Variants in CRY2 observed in about 807,000 individuals in gnomAD.
CRY2 encodes cryptochrome circadian regulator 2, also known as cryptochrome-2.
A neutral mutation model predicts 69.5 loss-of-function variants in CRY2; 31 were observed. That is an observed-to-expected ratio of 0.45 (90% CI 0.34 to 0.60). The LOEUF (loss-of-function observed/expected upper bound fraction) is 0.60. CRY2 is among the 20% of genes least tolerant of loss of function. CRY2 has a pLI of 0.02. For missense variants in CRY2, 606 were observed against 797.8 expected (o/e 0.76, Z 2.90); for synonymous variants, 303 against 312.2 (o/e 0.97, Z 0.31).
intron 1 of CRY2, among the ~76,000 whole-genome samples, chr11:45,855,773 C>T (rs1163319938): frequency 6.6e-6 from 1 of 152,198 alleles, no homozygotes; most frequent in Admixed American, 6.5e-5. Flanking sequence ...AGTCACACAG[C>T]TAGTAAGTGG....
intron 5 of CRY2, 64 bp from the exon 6 acceptor site, chr11:45,867,548 G>A: frequency 1.9e-6 from 3 of 1,601,124 alleles, no homozygotes; most frequent in Non-Finnish European, 2.6e-6. Flanking sequence ...ACCACCCAAT[G>A]CCTCCATTTT....
intron 2 of CRY2, among the ~76,000 whole-genome samples, chr11:45,856,812 A>G (rs868782927): frequency 4.6e-5 from 7 of 152,042 alleles, no homozygotes; most frequent in Admixed American, 1.3e-4. Context: ...AAAAAAAAAA[A>G]GGTCAGCCTT....
chr11:45,865,065 T>TA lies in CRY2; in HGVS notation c.742-2544dup, dbSNP rs781637135. On this transcript the variant is annotated intron_variant, in intron 5 of 11. Transcript: ENST00000616080. ...ATGAGCCACCACACCCGGGCAGAAA[T>TA]AAAGTTTTTTAAATGGCCAAGACTA... is the stretch of plus-strand genomic sequence containing the variant. Among the ~76,000 whole-genome samples the TA allele has an allele frequency of 1.5e-4, 23 of 151,308 alleles. No homozygotes were observed. In the East Asian group the frequency reaches 4.1e-3, roughly 27 times the overall value.
At chr11:45,872,878 G>T (rs992756560) in intron 11 of CRY2, among the ~76,000 whole-genome samples, 2 of 152,226 alleles carry the variant, frequency 1.3e-5, no homozygotes, top group African/African-American at 4.8e-5. Context: ...GACAGGCTGT[G>T]TTCTATAGGC....
At chr11:45,849,594 G>T (rs2086179025) in intron 1 of CRY2, among the ~76,000 whole-genome samples, 1 of 151,478 alleles carries the variant, frequency 6.6e-6, no homozygotes, top group South Asian at 2.1e-4. Flanking sequence ...GTCTTTAAAA[G>T]ATACCTGGGC....
chr11:45,882,439 C>T lies in CRY2; in HGVS notation c.*1528C>T. On this transcript the variant is annotated 3_prime_UTR_variant, in exon 12 of 12. Coordinates refer to ENST00000616080, the MANE Select transcript of CRY2 (RefSeq NM_021117.5). Reference sequence around the variant, plus strand: ...TCTGTTAATTCTTTTGGCCCCAGCCCTGTCCCTCACTGTCCTCTGTCCTTG... The same window carrying T: ...TCTGTTAATTCTTTTGGCCCCAGCCTTGTCCCTCACTGTCCTCTGTCCTTG... 1 of 396,606 alleles carries T rather than the reference C, an allele frequency of 2.5e-6. No individual in the cohort carries two copies. The highest frequency in any genetic ancestry group is 4.4e-6 in the Non-Finnish European group (1 of 225,024). The allele number at this position is 396,606 out of a possible 1,614,324, so 24.6% of individuals were successfully genotyped here.
At chr11:45,863,447 A>G (rs1438424408) in intron 5 of CRY2, among the ~76,000 whole-genome samples, 1 of 151,958 alleles carries the variant, frequency 6.6e-6, no homozygotes, top group African/African-American at 2.4e-5. Context: ...CCCTTACGCC[A>G]TGGACATATT....
rs1035955111 is a variant in CRY2, at chr11:45,870,693, G to A, written c.1550-149G>A. The A allele has an allele frequency of 1.1e-5, 12 of 1,107,670 alleles. No individual in the cohort carries two copies. In the South Asian group the frequency reaches 1.3e-4, roughly 12 times the overall value. 68.6% of individuals were successfully genotyped at this position (1,107,670 alleles called of 1,614,324 possible). A position where few individuals can be genotyped will look rare whatever the true frequency, so the allele number is the denominator to read the frequency against. ...GACACTGCAGGCTGGGATGAACTGG[G>A]CCTTCCTGAGTAGTTGTGGGGCTGT... On this transcript the variant is annotated intron_variant, in intron 9 of 11. Coordinates refer to ENST00000616080, the MANE Select transcript of CRY2 (RefSeq NM_021117.5).
At chr11:45,872,412 A>C (rs1398359935) in intron 11 of CRY2, among the ~76,000 whole-genome samples, 179 bp downstream of exon 11, 1 of 151,948 alleles carries the variant, frequency 6.6e-6, no homozygotes, top group Non-Finnish European at 1.5e-5. Flanking sequence ...ATCCTGGCTT[A>C]GGGAATGAGT....
chr11:45,879,733 G>T (rs1018857039), intron 11 of CRY2, among the ~76,000 whole-genome samples: 1 of 152,196 alleles, frequency 6.6e-6, no homozygotes, highest in Non-Finnish European at 1.5e-5. Context: ...GTGTTAGTCT[G>T]CTCAGGCTGC....
In CRY2 at chr11:45,847,846, A is replaced by G. The variant is rs147690839; in HGVS notation, c.215+141A>G. ...GCCGAGACCGGGGAAGTAATTCGTCATGGTCCTAACGCGCCGGTGGGCCAG... is the reference window on the plus strand; with the variant it reads ...GCCGAGACCGGGGAAGTAATTCGTCGTGGTCCTAACGCGCCGGTGGGCCAG... On this transcript the variant is annotated intron_variant, in intron 1 of 11. Coordinates refer to ENST00000616080, the MANE Select transcript of CRY2 (RefSeq NM_021117.5). The G allele has an allele frequency of 3.4e-3, 4,139 of 1,227,554 alleles. 11 individuals carry two copies. Among genetic ancestry groups the G allele is most frequent in the Non-Finnish European group, 4.2e-3 (3,772 of 906,704 alleles). The allele number at this position is 1,227,554 out of a possible 1,614,324, so 76.0% of individuals were successfully genotyped here. A position where few individuals can be genotyped will look rare whatever the true frequency, so the allele number is the denominator to read the frequency against.
At chr11:45,862,193 A>C in intron 5 of CRY2, 45 bp downstream of exon 5, 2 of 1,564,800 alleles carry the variant, frequency 1.3e-6, no homozygotes, top group Non-Finnish European at 1.7e-6. Flanking sequence ...ACTGATATCC[A>C]CACAGCAGGA....
chr11:45,870,606 C>T (rs574196001), intron 9 of CRY2, 74 bp downstream of exon 9: 13 of 1,537,312 alleles, frequency 8.5e-6, no homozygotes, highest in South Asian at 4.6e-5. Flanking sequence ...ATGGGGATGT[C>T]CAGATACTTG....
chr11:45,861,221 A>G (rs1590765348), intron 4 of CRY2, 189 bp downstream of exon 4: 2 of 630,164 alleles, frequency 3.2e-6, no homozygotes, highest in Non-Finnish European at 5.4e-6. Flanking sequence ...TCCTTCTAGT[A>G]TTTGTTCTGT....
At chr11:45,861,275 G>A (rs1257876423) in intron 4 of CRY2, 10 of 481,442 alleles carry the variant, frequency 2.1e-5, no homozygotes, top group Admixed American at 6.8e-5. Context: ...TCTAGATCAT[G>A]CCTCTATTTT....
At chr11:45,860,625 AT>A (rs1565058606) in intron 3 of CRY2, among the ~76,000 whole-genome samples, 1 of 151,968 alleles carries the variant, frequency 6.6e-6, no homozygotes, top group East Asian at 1.9e-4. Flanking sequence ...GCCTTGCTCC[AT>A]TACTGAGGCA....
At chr11:45,867,030 A>G (rs537974467) in intron 5 of CRY2, among the ~76,000 whole-genome samples, 52 of 152,348 alleles carry the variant, frequency 3.4e-4, no homozygotes, top group African/African-American at 1.2e-3. Context: ...GTAAAGTCCT[A>G]TGCCAGCAAC....
At chr11:45,857,188 C>T (rs1054804592) in intron 2 of CRY2, among the ~76,000 whole-genome samples, 3 of 152,168 alleles carry the variant, frequency 2.0e-5, no homozygotes, top group African/African-American at 7.2e-5. Context: ...TAGTAATTGC[C>T]CACATTCATT....
intron 11 of CRY2, among the ~76,000 whole-genome samples, chr11:45,879,933 G>T (rs1480662164): frequency 6.6e-6 from 1 of 152,072 alleles, no homozygotes; most frequent in Admixed American, 6.6e-5. Flanking sequence ...GTACTGTCTG[G>T]GTCTAAATTT....
Sources: gnomAD v4.1 joint callset for allele counts (sites outside exome capture counted in the v4.1 genomes callset) on GRCh38, gnomAD v4.1.1 for gene constraint, MANE v1.5 for transcripts, NCBI Gene and HGNC (gene_info 2026-07-23, HGNC 2026-07-21) for gene names.